The following DCAF1 variants were observed in gnomAD, a reference collection of about 807,000 sequenced individuals.
DCAF1 encodes the protein DDB1 and CUL4 associated factor 1, also known as DDB1- and CUL4-associated factor 1.
In DCAF1, 15 loss-of-function variants were observed where a neutral mutation model predicts 128.0. The observed-to-expected ratio is 0.12, with a 90% confidence interval of 0.08 to 0.18. The LOEUF (loss-of-function observed/expected upper bound fraction) is 0.18. Ranked by LOEUF, DCAF1 falls within the 10% of genes least tolerant of loss-of-function variation. DCAF1 has a pLI of 1.00. For synonymous variants in DCAF1, 610 were observed against 603.0 expected, an observed-to-expected ratio of 1.01 and a Z score of -0.17; for missense variants, 988 against 1,649.5, an observed-to-expected ratio of 0.60 and a Z score of 6.95.
intron 23 of DCAF1, among the ~76,000 whole-genome samples, chr3:51,405,291 T>C (rs182516773): frequency 2.4e-4 from 37 of 152,302 alleles, no homozygotes; most frequent in Admixed American, 1.2e-3. Context: ...TTGAAGAACA[T>C]TGAGGCTTAG....
chr3:51,482,940 C>T (rs1553653492), intron 3 of DCAF1, among the ~76,000 whole-genome samples: 1 of 151,006 alleles, frequency 6.6e-6, no homozygotes, highest in African/African-American at 2.4e-5. Context: ...AGCTCAAGAC[C>T]AGCCTGACCA....
intron 2 of DCAF1, among the ~76,000 whole-genome samples, chr3:51,493,592 A>C (rs1553659298): frequency 1.3e-5 from 2 of 152,252 alleles, no homozygotes; most frequent in African/African-American, 4.8e-5. Context: ...ATACAATGGA[A>C]TATTCAGTCA....
At chr3:51,412,577 A>G in intron 22 of DCAF1, 97 bp from the exon 23 acceptor site, 1 of 1,557,462 alleles carries the variant, frequency 6.4e-7, no homozygotes, top group Non-Finnish European at 8.7e-7. Flanking sequence ...TTGACCCTGT[A>G]ATTATTAAAG....
At chr3:51,488,863 G>T (rs1553656663) in intron 2 of DCAF1, among the ~76,000 whole-genome samples, 3 of 152,186 alleles carry the variant, frequency 2.0e-5, no homozygotes, top group Non-Finnish European at 4.4e-5. Context: ...TACTCAGGAG[G>T]CTGAGGTAGG....
upstream of DCAF1, among the ~76,000 whole-genome samples, chr3:51,504,098 CA>C (rs1708885094): frequency 1.4e-5 from 2 of 144,982 alleles, no homozygotes; most frequent in African/African-American, 5.2e-5. Context: ...AGTGCAGTGG[CA>C]CAATCTCAGC....
intron 8 of DCAF1, 21 bp downstream of exon 8, chr3:51,441,364 T>C (rs782202283): frequency 2.5e-6 from 4 of 1,604,698 alleles, no homozygotes; most frequent in Non-Finnish European, 3.4e-6. Context: ...GTGTGAACAG[T>C]ACTCTTCCCA....
intron 20 of DCAF1, among the ~76,000 whole-genome samples, 170 bp downstream of exon 20, chr3:51,413,780 T>G (rs1698639888): frequency 6.6e-6 from 1 of 152,250 alleles, no homozygotes; most frequent in Non-Finnish European, 1.5e-5. Context: ...AAACCAACAT[T>G]ATTTTCATAT....
chr3:51,425,262 G>A (rs1461754578), intron 13 of DCAF1, among the ~76,000 whole-genome samples: 1 of 152,118 alleles, frequency 6.6e-6, no homozygotes, highest in African/African-American at 2.4e-5. Flanking sequence ...CTCAAGGCCA[G>A]GAGTTCGAGA....
chr3:51,423,103 G>GA (rs1376670367), intron 13 of DCAF1, among the ~76,000 whole-genome samples: 2 of 151,764 alleles, frequency 1.3e-5, no homozygotes, highest in Admixed American at 1.3e-4. Flanking sequence ...AAAAAAAGAA[G>GA]AAAAAGAAAG....
chr3:51,448,978 T>C (rs899570868), intron 6 of DCAF1, among the ~76,000 whole-genome samples: 1 of 152,012 alleles, frequency 6.6e-6, no homozygotes, highest in East Asian at 1.9e-4. Context: ...TTTAAAAAGA[T>C]TGAAATCTCA....
intron 14 of DCAF1, 82 bp from the exon 15 acceptor site, chr3:51,421,079 G>C (rs1249442144): frequency 1.4e-6 from 2 of 1,481,466 alleles, no homozygotes; most frequent in African/African-American, 2.8e-5. Flanking sequence ...AAAATTTGGT[G>C]TTCTACTCAC....
intron 3 of DCAF1, among the ~76,000 whole-genome samples, chr3:51,471,729 T>C (rs552094449): frequency 4.6e-5 from 7 of 151,938 alleles, no homozygotes; most frequent in Non-Finnish European, 1.0e-4. Context: ...TAGCTGGGCG[T>C]GGTGGCACAT....
At chr3:51,486,045 C>T (rs1706914491) in intron 2 of DCAF1, among the ~76,000 whole-genome samples, 2 of 151,974 alleles carry the variant, frequency 1.3e-5, no homozygotes, top group African/African-American at 2.4e-5. Context: ...GCTTGTACCA[C>T]CACGCCAGCA....
At chr3:51,397,338 CTG>C (rs2089265832), downstream of DCAF1, 1 of 167,090 alleles carries the variant, frequency 6.0e-6, no homozygotes, top group African/African-American at 2.4e-5. Context: ...TTAGGGGCCT[CTG>C]AAGTATCTTT....
intron 6 of DCAF1, among the ~76,000 whole-genome samples, chr3:51,462,620 C>G (rs1245459711): frequency 6.6e-6 from 1 of 151,614 alleles, no homozygotes; most frequent in Non-Finnish European, 1.5e-5. Context: ...GTGGTGGGCG[C>G]CTGTAATCCC....
chr3:51,472,386 T>C (rs997631918), intron 3 of DCAF1, among the ~76,000 whole-genome samples: 5 of 152,158 alleles, frequency 3.3e-5, no homozygotes, highest in Non-Finnish European at 5.9e-5. Context: ...TTTGTTTTTT[T>C]TCTTGTAGAG....
chr3:51,406,017 G>C lies in DCAF1; in HGVS notation c.4213-2622C>G, dbSNP rs183599428. Among the ~76,000 whole-genome samples, 10 of 151,972 alleles carry C rather than the reference G, an allele frequency of 6.6e-5. No homozygotes were observed. In the East Asian group the frequency reaches 1.9e-3, roughly 29 times the overall value. On this transcript the variant is annotated intron_variant, in intron 23 of 24. Coordinates refer to ENST00000684031, the MANE Select transcript of DCAF1 (RefSeq NM_001387579.1). ...CCACTGCACTCCAGCCTGGGCAACA[G>C]AGTGAGATCCCATTTCTTTGAAAAC...
chr3:51,470,558 C>T (rs1327827966), intron 4 of DCAF1, among the ~76,000 whole-genome samples: 1 of 152,032 alleles, frequency 6.6e-6, no homozygotes, highest in Non-Finnish European at 1.5e-5. Flanking sequence ...AGAGTGAGTA[C>T]CCATCTCCAA....
At chr3:51,500,207 C>T (rs1420250332), upstream of DCAF1, among the ~76,000 whole-genome samples, 1 of 151,370 alleles carries the variant, frequency 6.6e-6, no homozygotes, top group East Asian at 1.9e-4. Context: ...GGGGCGGGCC[C>T]ACCAGTCCCA....
Sources: gnomAD v4.1 joint callset for allele counts (sites outside exome capture counted in the v4.1 genomes callset) on GRCh38, gnomAD v4.1.1 for gene constraint, MANE v1.5 for transcripts, NCBI Gene and HGNC (gene_info 2026-07-23, HGNC 2026-07-21) for gene names.